Variants in CACNG2 observed in about 807,000 individuals in gnomAD.
CACNG2 encodes the protein voltage-dependent calcium channel gamma-2 subunit.
A neutral mutation model predicts 25.9 loss-of-function variants in CACNG2; 3 were observed. That is an observed-to-expected ratio of 0.12 (90% confidence interval 0.05 to 0.30). The LOEUF is 0.30. Ranked by LOEUF, CACNG2 falls within the 10% of genes least tolerant of loss-of-function variation. CACNG2 has a pLI of 1.00. For missense variants in CACNG2, 341 were observed against 432.5 expected, an observed-to-expected ratio of 0.79 and a Z score of 1.88; for synonymous variants, 167 against 173.3, an observed-to-expected ratio of 0.96 and a Z score of 0.29.
Position 36,626,389 on chromosome 22 carries a change from C to CT in CACNG2, c.212-38842dup, listed in dbSNP as rs201346139. Among the ~76,000 whole-genome samples the CT allele has an allele frequency of 1.3e-3, 194 of 151,858 alleles. 1 individual carries two copies. The Middle Eastern group carries it at 0.02, about 16-fold the overall frequency. ...TGACCTACCTCATTCTTGACTACTT[C>CT]TTTTTTTTTCCTCTCTTTTAAAAGA... On this transcript the variant is annotated intron_variant, in intron 1 of 3. Transcript: ENST00000300105.
chr22:36,657,599 T>C (rs1936727217), intron 1 of CACNG2, among the ~76,000 whole-genome samples: 1 of 147,218 alleles, frequency 6.8e-6, no homozygotes, highest in Non-Finnish European at 1.5e-5. Context: ...TTGATTCCTA[T>C]GCTGGATAGG....
chr22:36,585,390 A>G (rs1048078194), intron 2 of CACNG2: 8 of 152,176 alleles, frequency 5.3e-5, no homozygotes, highest in Non-Finnish European at 1.2e-4. Flanking sequence ...GCTTCTCTCA[A>G]GATCTAGGTT....
intron 3 of CACNG2, among the ~76,000 whole-genome samples, chr22:36,565,901 G>C (rs1261872799): frequency 2.6e-5 from 4 of 152,222 alleles, no homozygotes; most frequent in Admixed American, 6.5e-5. Context: ...ATCTGGATGT[G>C]GGTGCCTGCC....
At chr22:36,620,808 A>G (rs113456934) in intron 1 of CACNG2, among the ~76,000 whole-genome samples, 1 of 152,244 alleles carries the variant, frequency 6.6e-6, no homozygotes, top group African/African-American at 2.4e-5. Flanking sequence ...TCTGTCTTGT[A>G]TCTGGCCTGA....
At chr22:36,640,858 C>A (rs1033079965) in intron 1 of CACNG2, among the ~76,000 whole-genome samples, 1 of 152,122 alleles carries the variant, frequency 6.6e-6, no homozygotes, top group Non-Finnish European at 1.5e-5. Flanking sequence ...GCCCACAAGC[C>A]CTTCCGTGTC....
intron 2 of CACNG2, among the ~76,000 whole-genome samples, chr22:36,581,695 T>C (rs1456687585): frequency 6.6e-6 from 1 of 152,212 alleles, no homozygotes; most frequent in Non-Finnish European, 1.5e-5. Flanking sequence ...GTCCTGGAGC[T>C]TAGTGTCTGG....
intron 2 of CACNG2, 140 bp downstream of exon 2, chr22:36,587,325 C>G: frequency 1.3e-6 from 1 of 743,280 alleles, no homozygotes; most frequent in South Asian, 1.4e-5. Flanking sequence ...GTCTGTACTC[C>G]GGAAAGGAGA....
intron 1 of CACNG2, among the ~76,000 whole-genome samples, chr22:36,675,282 C>A (rs1428816104): frequency 6.6e-5 from 10 of 151,964 alleles, no homozygotes. Flanking sequence ...TGGACACAAG[C>A]GATCTTCCCG....
intron 2 of CACNG2, among the ~76,000 whole-genome samples, chr22:36,580,332 G>T (rs965443113): frequency 1.3e-5 from 2 of 152,126 alleles, no homozygotes; most frequent in African/African-American, 4.8e-5. Flanking sequence ...TTCCACTCCT[G>T]CTGTTGGCTT....
intron 1 of CACNG2, among the ~76,000 whole-genome samples, chr22:36,675,250 G>C (rs1445165649): frequency 2.0e-5 from 3 of 151,612 alleles, no homozygotes; most frequent in African/African-American, 7.3e-5. Context: ...TCACTCTGTT[G>C]CCCAGGCTGG....
In CACNG2 at chr22:36,616,847, A is replaced by T. The variant is rs968905538; in HGVS notation, c.212-29299T>A. Among the ~76,000 whole-genome samples the T allele has an allele frequency of 2.0e-5, 3 of 152,168 alleles. No homozygotes were observed. The East Asian group carries it at 5.8e-4, about 29-fold the overall frequency. ...TAATGCACTATTCATTTATACCATG[A>T]TGATCTATTTATTTTCTACTCTGTG... On this transcript the variant is annotated intron_variant, in intron 1 of 3. Transcript: ENST00000300105.
intron 1 of CACNG2, among the ~76,000 whole-genome samples, chr22:36,653,374 T>C (rs1463846710): frequency 7.6e-6 from 1 of 131,196 alleles, no homozygotes; most frequent in Non-Finnish European, 1.5e-5. Context: ...CATTGAAAAA[T>C]TGGGAGATGT....
Position 36,703,541 on chromosome 22 carries a change from G to C in CACNG2, c.-965C>G, listed in dbSNP as rs1368472040. On this transcript the variant is annotated 5_prime_UTR_variant, in exon 1 of 4. Transcript: ENST00000300105. ...CTGCATTACGGGTGGTGCTGAACCG[G>C]ACAGCTCCCTGCGCCGCCCGCTCCG... The C allele has an allele frequency of 6.7e-6, 1 of 149,822 alleles. No homozygotes were observed. Among genetic ancestry groups the C allele is most frequent in the Non-Finnish European group, 1.5e-5 (1 of 67,792 alleles). The allele number at this position is 149,822 out of a possible 1,614,324, so 9.3% of individuals were successfully genotyped here.
At chr22:36,595,893 T>C (rs889252465) in intron 1 of CACNG2, among the ~76,000 whole-genome samples, 1 of 152,236 alleles carries the variant, frequency 6.6e-6, no homozygotes, top group Admixed American at 6.5e-5. Context: ...GGCACAGCTC[T>C]GGCTCAAGGA....
At chr22:36,609,658 C>T (rs1480708079) in intron 1 of CACNG2, among the ~76,000 whole-genome samples, 8 of 27,816 alleles carry the variant, frequency 2.9e-4, no homozygotes, top group Admixed American at 4.8e-4. Context: ...CAGGAATCAG[C>T]CCCCCAGAGC....
chr22:36,608,437 A>G (rs1291900942), intron 1 of CACNG2, among the ~76,000 whole-genome samples: 1 of 152,212 alleles, frequency 6.6e-6, no homozygotes, highest in African/African-American at 2.4e-5. Context: ...GAGGACAGGG[A>G]TTGAACTGAA....
intron 1 of CACNG2, among the ~76,000 whole-genome samples, chr22:36,700,142 C>T (rs1937393225): frequency 6.6e-6 from 1 of 152,246 alleles, no homozygotes; most frequent in Non-Finnish European, 1.5e-5. Flanking sequence ...TGCCTGTGCG[C>T]ATCGCACAAT....
At chr22:36,684,631 A>AAAAAAAC (rs1937172400) in intron 1 of CACNG2, among the ~76,000 whole-genome samples, 1 of 151,482 alleles carries the variant, frequency 6.6e-6, no homozygotes, top group African/African-American at 2.4e-5. Flanking sequence ...AAAAAAAAAA[A>AAAAAAAC]CAAAGTAAAA....
chr22:36,651,253 G>T (rs1010633393), intron 1 of CACNG2, among the ~76,000 whole-genome samples: 28 of 90,646 alleles, frequency 3.1e-4, no homozygotes, highest in African/African-American at 1.2e-3. Context: ...TTTTTTGACA[G>T]AGTCTTGCTC....
Sources: gnomAD v4.1 joint callset for allele counts (sites outside exome capture counted in the v4.1 genomes callset) on GRCh38, gnomAD v4.1.1 for gene constraint, MANE v1.5 for transcripts, NCBI Gene and HGNC (gene_info 2026-07-23, HGNC 2026-07-21) for gene names.